Variants in ZPBP observed in about 807,000 individuals in gnomAD.
The protein encoded by ZPBP is zona pellucida binding protein.
Under a neutral mutation model 44.8 loss-of-function variants are expected in ZPBP, and 26 were observed. The ratio of observed to expected loss-of-function variants is 0.58; its 90% CI spans 0.43 to 0.81. The LOEUF (loss-of-function observed/expected upper bound fraction) is 0.81. Ranked by LOEUF, ZPBP falls within the 30% of genes least tolerant of loss-of-function variation. The pLI is 0.00. For missense variants in ZPBP, 409 were observed against 434.0 expected, an observed-to-expected ratio of 0.94 and a Z score of 0.51; for synonymous variants, 174 against 153.2, an observed-to-expected ratio of 1.14 and a Z score of -1.00.
At chr7:49,945,977 T>G (rs1439623556) in intron 7 of ZPBP, among the ~76,000 whole-genome samples, 6 of 152,088 alleles carry the variant, frequency 3.9e-5, no homozygotes, top group Admixed American at 3.9e-4. Context: ...ACATATCCGT[T>G]GTGTTTTTTG....
chr7:50,058,144 A>G lies in ZPBP; in HGVS notation c.335-3T>C. 3.1e-6 allele frequency: 5 copies of G among 1,613,626 alleles called. No individual in the cohort carries two copies. Among genetic ancestry groups the G allele is most frequent in the Non-Finnish European group, 4.2e-6 (5 of 1,179,740 alleles). On this transcript the variant is annotated splice_region_variant and splice_polypyrimidine_tract_variant and intron_variant, in intron 3 of 7. Coordinates refer to ENST00000046087, the MANE Select transcript of ZPBP (RefSeq NM_007009.3). The stretch of plus-strand genomic sequence containing the variant: ...TATTTGTGCAGTGCGGTTTTCTACT[A>G]AAGGAATAAGATACAGTTACGAGTT...
chr7:50,056,995 C>T (rs535359009), intron 4 of ZPBP, among the ~76,000 whole-genome samples: 1 of 152,116 alleles, frequency 6.6e-6, no homozygotes, highest in East Asian at 1.9e-4. Context: ...ACCATCCTGG[C>T]TAACACGGTG....
At chr7:49,973,982 A>C (rs536461701) in intron 7 of ZPBP, among the ~76,000 whole-genome samples, 5 of 152,190 alleles carry the variant, frequency 3.3e-5, no homozygotes, top group Admixed American at 6.5e-5. Context: ...TTTAGTTCTC[A>C]TACAGGCTAC....
intron 7 of ZPBP, among the ~76,000 whole-genome samples, chr7:49,968,926 A>G (rs1796172519): frequency 6.6e-6 from 1 of 151,914 alleles, no homozygotes; most frequent in African/African-American, 2.4e-5. Flanking sequence ...ACATAGGATG[A>G]ATAAAAGAGC....
intron 2 of ZPBP, among the ~76,000 whole-genome samples, chr7:49,851,678 T>G (rs1357088551): frequency 6.6e-6 from 1 of 152,122 alleles, no homozygotes; most frequent in Non-Finnish European, 1.5e-5. Context: ...GCCAACATGG[T>G]GAAACCCTGT....
intron 2 of ZPBP, among the ~76,000 whole-genome samples, chr7:49,881,042 T>C (rs1427791104): frequency 6.6e-6 from 1 of 152,180 alleles, no homozygotes; most frequent in Admixed American, 6.6e-5. Context: ...TTGGGTCCCT[T>C]GGTCCATTCT....
chr7:49,846,479 T>G (rs1789950618), downstream of ZPBP, among the ~76,000 whole-genome samples: 1 of 152,150 alleles, frequency 6.6e-6, no homozygotes, highest in African/African-American at 2.4e-5. Flanking sequence ...TGCATATGCC[T>G]TTTTCTGTGC....
At chr7:50,029,901 G>A (rs1008119430) in intron 5 of ZPBP, among the ~76,000 whole-genome samples, 2 of 152,148 alleles carry the variant, frequency 1.3e-5, no homozygotes, top group African/African-American at 4.8e-5. Flanking sequence ...TGTCAGCCAG[G>A]CTGAAGTGCA....
chr7:50,046,962 G>C (rs574953794), intron 4 of ZPBP, among the ~76,000 whole-genome samples: 1 of 152,196 alleles, frequency 6.6e-6, no homozygotes, highest in Non-Finnish European at 1.5e-5. Flanking sequence ...ATAGTATGCA[G>C]CCATAAAAAA....
intron 7 of ZPBP, among the ~76,000 whole-genome samples, chr7:49,977,456 C>T (rs1315481162): frequency 2.6e-5 from 4 of 152,078 alleles, no homozygotes; most frequent in Non-Finnish European, 4.4e-5. Context: ...TATTTAAAAA[C>T]ATTTTTACCT....
intron 7 of ZPBP, among the ~76,000 whole-genome samples, chr7:49,980,787 G>A (rs1796824490): frequency 6.6e-6 from 1 of 151,968 alleles, no homozygotes; most frequent in Non-Finnish European, 1.5e-5. Flanking sequence ...TGCCACACTT[G>A]GAACTAAATT....
chr7:50,066,924 G>A (rs1364866738), intron 3 of ZPBP, among the ~76,000 whole-genome samples: 1 of 152,146 alleles, frequency 6.6e-6, no homozygotes, highest in Non-Finnish European at 1.5e-5. Context: ...TCGTCGTCGG[G>A]AGTCACTACT....
intron 2 of ZPBP, among the ~76,000 whole-genome samples, chr7:49,895,282 C>G (rs1792326405): frequency 6.6e-6 from 1 of 152,168 alleles, no homozygotes; most frequent in Non-Finnish European, 1.5e-5. Flanking sequence ...CATGAGGGCT[C>G]TGCCCTCATG....
intron 1 of ZPBP, chr7:49,912,777 T>C (rs1273873692): frequency 1.3e-5 from 2 of 152,428 alleles, no homozygotes; most frequent in African/African-American, 4.8e-5. Flanking sequence ...ATCTGCTTCA[T>C]TCTCAGTCAC....
At chr7:49,871,908 AACACAC>A (rs72332840) in intron 2 of ZPBP, among the ~76,000 whole-genome samples, 9,219 of 87,810 alleles carry the variant, frequency 0.1, 619 homozygotes, top group African/African-American at 0.12. Flanking sequence ...TGTGTATATA[AACACAC>A]ACACACACAC....
chr7:49,899,866 T>C (rs1485510686), intron 2 of ZPBP, among the ~76,000 whole-genome samples: 3 of 151,918 alleles, frequency 2.0e-5, no homozygotes, highest in African/African-American at 7.2e-5. Flanking sequence ...AATAGCATAA[T>C]ACACATTATT....
At chr7:49,902,951 A>C (rs1792851865) in intron 1 of ZPBP, among the ~76,000 whole-genome samples, 1 of 152,202 alleles carries the variant, frequency 6.6e-6, no homozygotes, top group African/African-American at 2.4e-5. Context: ...GTTAGAAAAT[A>C]GGCAAAATAC....
At chr7:49,849,800 C>T (rs78226088), downstream of ZPBP, among the ~76,000 whole-genome samples, 375 of 152,064 alleles carry the variant, frequency 2.5e-3, no homozygotes, top group African/African-American at 8.5e-3. Context: ...CCTGCTCTAA[C>T]CAAGTCTTGG....
intron 7 of ZPBP, among the ~76,000 whole-genome samples, chr7:49,962,624 A>G (rs1795903092): frequency 1.3e-5 from 2 of 151,912 alleles, no homozygotes; most frequent in South Asian, 2.1e-4. Flanking sequence ...TCTAAATACA[A>G]TAGTCTCATG....
Sources: allele counts gnomAD v4.1 joint callset (sites outside exome capture counted in the v4.1 genomes callset), GRCh38; gene constraint gnomAD v4.1.1; transcripts MANE v1.5; gene names NCBI Gene and HGNC (gene_info 2026-07-23, HGNC 2026-07-21).